The following GAB2 variants were observed in gnomAD, a reference collection of about 807,000 sequenced individuals.
The protein encoded by GAB2 is GRB2 associated binding protein 2, also known as GRB2-associated-binding protein 2.
Under a neutral mutation model 65.5 loss-of-function variants are expected in GAB2, and 26 were observed. That is an observed-to-expected ratio of 0.40 (90% confidence interval 0.29 to 0.55). The LOEUF (loss-of-function observed/expected upper bound fraction) is 0.55, where lower values mean the gene tolerates loss of function less well. Among genes scored for constraint, GAB2 ranks in the 20% least tolerant of loss-of-function variants. The probability of loss-of-function intolerance (pLI) is 0.53; values close to 1 mark genes in which losing one functional copy is unlikely to be tolerated. For missense variants in GAB2, 884 were observed against 875.8 expected (o/e 1.01, Z -0.12); for synonymous variants, 321 against 329.6 (o/e 0.97, Z 0.28).
intron 1 of GAB2, among the ~76,000 whole-genome samples, chr11:78,366,644 G>C (rs1325110149): frequency 6.8e-6 from 1 of 147,742 alleles, no homozygotes; most frequent in Non-Finnish European, 1.5e-5. Flanking sequence ...ACAAAGTGAG[G>C]ATGGGGGGTT....
chr11:78,252,839 C>G (rs935632310), intron 2 of GAB2, among the ~76,000 whole-genome samples: 8 of 152,042 alleles, frequency 5.3e-5, no homozygotes, highest in Non-Finnish European at 7.4e-5. Context: ...ACTCGTGTTC[C>G]CTGTCTCAGT....
At chr11:78,393,683 T>C (rs2135068328) in intron 1 of GAB2, among the ~76,000 whole-genome samples, 1 of 152,314 alleles carries the variant, frequency 6.6e-6, no homozygotes, top group African/African-American at 2.4e-5. Context: ...GCATTATCTA[T>C]TATAAAATAG....
intron 1 of GAB2, among the ~76,000 whole-genome samples, chr11:78,360,206 A>G (rs1856415550): frequency 6.6e-6 from 1 of 152,140 alleles, no homozygotes; most frequent in South Asian, 2.1e-4. Flanking sequence ...TCTCTCCTGA[A>G]CTGTAAGACG....
intron 2 of GAB2, among the ~76,000 whole-genome samples, chr11:78,277,555 T>C (rs956227303): frequency 1.3e-5 from 2 of 152,252 alleles, no homozygotes; most frequent in Non-Finnish European, 2.9e-5. Flanking sequence ...ACGCACACTA[T>C]GAGGCAAAAT....
chr11:78,406,822 G>C (rs1317312028), intron 1 of GAB2, among the ~76,000 whole-genome samples: 1 of 151,976 alleles, frequency 6.6e-6, no homozygotes, highest in African/African-American at 2.4e-5. Context: ...TAAAAATGCA[G>C]GTACAAACAT....
Position 78,227,007 on chromosome 11 carries a change from CTCA to C in GAB2, c.662_664del (p.Met221del). 1 of 1,613,428 alleles carries C rather than the reference CTCA, an allele frequency of 6.2e-7. No homozygotes were observed. The highest frequency in any genetic ancestry group is 8.5e-7 in the Non-Finnish European group (1 of 1,179,860). ...AAGTTTTTGTACAGCTGTGTCACTC[CTCA>C]TGAGAAAAGAGGCTCTGGTGCCCTG... On this transcript the variant is annotated inframe_deletion, in exon 4 of 10. Coordinates refer to ENST00000361507, the MANE Select transcript of GAB2 (RefSeq NM_080491.3).
At chr11:78,287,930 G>C (rs558757947) in intron 1 of GAB2, among the ~76,000 whole-genome samples, 1 of 152,052 alleles carries the variant, frequency 6.6e-6, no homozygotes, top group East Asian at 1.9e-4. Context: ...TTACAGGTGT[G>C]AGCCAGCGTG....
chr11:78,327,575 T>A (rs141856695), intron 1 of GAB2, among the ~76,000 whole-genome samples: 1 of 152,084 alleles, frequency 6.6e-6, no homozygotes, highest in African/African-American at 2.4e-5. Flanking sequence ...CAACATACCA[T>A]TGAATGTTTC....
In GAB2 at chr11:78,216,028, G is replaced by GGA. The variant is rs1294176645; in HGVS notation, c.*3242_*3243dup. The stretch of plus-strand genomic sequence containing the variant: ...AAACCACTAAAGTCAAGCTAGGAGG[G>GGA]GACTGGGGATAGGTACTGCCCACCC... On this transcript the variant is annotated 3_prime_UTR_variant, in exon 10 of 10. Transcript: ENST00000361507. 1.3e-5 allele frequency: 2 copies of GGA among 152,622 alleles called. No individual in the cohort carries two copies. The highest frequency in any genetic ancestry group is 2.9e-5 in the Non-Finnish European group (2 of 68,056). 9.5% of individuals were successfully genotyped at this position (152,622 alleles called of 1,614,324 possible). A position where few individuals can be genotyped will look rare whatever the true frequency, so the allele number is the denominator to read the frequency against.
chr11:78,376,731 C>A (rs970958208), intron 1 of GAB2, among the ~76,000 whole-genome samples: 5 of 152,098 alleles, frequency 3.3e-5, no homozygotes, highest in Admixed American at 6.5e-5. Flanking sequence ...TGGAGGGGGG[C>A]ACCGAGACTG....
intron 3 of GAB2, among the ~76,000 whole-genome samples, chr11:78,229,808 G>C (rs1371024622): frequency 6.6e-6 from 1 of 152,108 alleles, no homozygotes; most frequent in African/African-American, 2.4e-5. Context: ...GTCAAGCATT[G>C]GGCTTTGCTG....
chr11:78,332,089 C>T (rs1332624223), intron 1 of GAB2, among the ~76,000 whole-genome samples: 2 of 152,256 alleles, frequency 1.3e-5, no homozygotes, highest in East Asian at 3.9e-4. Context: ...GAGCCTGTGG[C>T]GGGGAACAGA....
intron 1 of GAB2, among the ~76,000 whole-genome samples, chr11:78,386,524 C>T (rs1024956250): frequency 4.6e-5 from 7 of 152,140 alleles, no homozygotes; most frequent in African/African-American, 1.7e-4. Flanking sequence ...ATTATGTGCA[C>T]TGGATGGAGG....
chr11:78,251,926 T>A (rs979596279), intron 2 of GAB2, among the ~76,000 whole-genome samples: 2 of 152,248 alleles, frequency 1.3e-5, no homozygotes, highest in Non-Finnish European at 2.9e-5. Context: ...GTCTGCGGAC[T>A]AAGCAAACAC....
chr11:78,243,285 T>C (rs1346212979), intron 3 of GAB2, among the ~76,000 whole-genome samples: 1 of 151,434 alleles, frequency 6.6e-6, no homozygotes, highest in Non-Finnish European at 1.5e-5. Flanking sequence ...CTGGCCAACA[T>C]GGCAAAACTT....
In GAB2 at chr11:78,226,853, G is replaced by A. The variant is rs2134469660; in HGVS notation, c.819C>T (p.Ala273=). 6.2e-7 allele frequency: 1 copy of A among 1,614,140 alleles called. No homozygotes were observed. The highest frequency in any genetic ancestry group is 8.5e-7 in the Non-Finnish European group (1 of 1,179,974). The change falls in exon 4 of 10, where the codon GCC becomes GCT. Residue 273 remains alanine (A), a synonymous_variant. Coordinates refer to ENST00000361507, the MANE Select transcript of GAB2 (RefSeq NM_080491.3). ...GGCTGCCCTTGGTGTGGCCATGGGA[G>A]GCCAGGCTGCGGGGGAGGTCGTAGG... The part of the protein sequence containing the change: ...DSTYDLPRSL[A]SHGHTKGSLT...
rs559383603 is a variant in GAB2 at position 78,365,406 on chromosome 11, C to T, written c.75+52240G>A. ...GGCTTACTAAATGCTAATTAGATTT[C>T]CTCCACCTGCTCTGGGATTTAGAGG... On this transcript the variant is annotated intron_variant, in intron 1 of 9. Transcript: ENST00000361507. 2.0e-5 allele frequency among the ~76,000 whole-genome samples: 3 copies of T among 152,282 alleles called. No individual in the cohort carries two copies. The South Asian group carries it at 6.2e-4, about 32-fold the overall frequency.
chr11:78,358,910 T>C (rs1195248970), intron 1 of GAB2, among the ~76,000 whole-genome samples: 5 of 152,140 alleles, frequency 3.3e-5, no homozygotes, highest in Admixed American at 3.3e-4. Flanking sequence ...AAGAACTAAA[T>C]ACTTTTGAAA....
At chr11:78,415,323 G>A (rs2135104046) in intron 1 of GAB2, among the ~76,000 whole-genome samples, 1 of 152,318 alleles carries the variant, frequency 6.6e-6, no homozygotes, top group Non-Finnish European at 1.5e-5. Flanking sequence ...ACCAGAAGCA[G>A]CAGCTACTTT....
Sources: gnomAD v4.1 joint callset for allele counts (sites outside exome capture counted in the v4.1 genomes callset) on GRCh38, gnomAD v4.1.1 for gene constraint, MANE v1.5 for transcripts, NCBI Gene and HGNC (gene_info 2026-07-23, HGNC 2026-07-21) for gene names.